Variants in ACTR3B observed in about 807,000 individuals in gnomAD.
The protein encoded by ACTR3B is actin-related protein 3B.
A neutral mutation model predicts 59.0 loss-of-function variants in ACTR3B; 8 were observed. The ratio of observed to expected loss-of-function variants is 0.14; its 90% CI spans 0.08 to 0.24. ACTR3B has a LOEUF of 0.24. Among genes scored for constraint, ACTR3B ranks in the 10% least tolerant of loss-of-function variants. ACTR3B has a pLI of 1.00. For synonymous variants in ACTR3B, 148 were observed against 197.9 expected (o/e 0.75, Z 2.12); for missense variants, 245 against 552.3 (o/e 0.44, Z 5.58).
chr7:152,820,234 G>A lies in ACTR3B; in HGVS notation c.541-65G>A. The A allele has an allele frequency of 2.5e-6, 4 of 1,576,070 alleles. No individual in the cohort carries two copies. In the South Asian group the frequency reaches 4.7e-5, roughly 19 times the overall value. On this transcript the variant is annotated intron_variant, in intron 6 of 11. Transcript: ENST00000256001. The stretch of plus-strand genomic sequence containing the variant: ...GGGAGGCTGAGGCAGGAAACCTTGT[G>A]AGTCCAGGCTGCTCTCCACCACGAA...
chr7:152,782,352 G>T (rs1348728153), intron 1 of ACTR3B, among the ~76,000 whole-genome samples: 1 of 151,740 alleles, frequency 6.6e-6, no homozygotes, highest in Non-Finnish European at 1.5e-5. Context: ...GAGTCTTCTC[G>T]ATTTACTTAC....
Position 152,847,250 on chromosome 7 carries a change from C to T in ACTR3B, c.952-4876C>T, listed in dbSNP as rs140650329. ...AGCTCTAGTGCCCGGGGCTGCAGTC[C>T]GCTCCGCAGGGCTCACCGTGATGTT... On this transcript the variant is annotated intron_variant, in intron 9 of 11. Transcript: ENST00000256001. Among the ~76,000 whole-genome samples, 827 of 152,152 alleles carry T rather than the reference C, an allele frequency of 5.4e-3. 4 individuals carry two copies. Among genetic ancestry groups the T allele is most frequent in the Non-Finnish European group, 8.3e-3 (567 of 67,980 alleles).
intron 1 of ACTR3B, among the ~76,000 whole-genome samples, chr7:152,765,981 C>A (rs1431681783): frequency 6.6e-6 from 1 of 151,882 alleles, no homozygotes; most frequent in Non-Finnish European, 1.5e-5. Flanking sequence ...TTATGATAAT[C>A]TTCGCATTTA....
At chr7:152,767,967 T>TGCAA (rs897848037) in intron 1 of ACTR3B, among the ~76,000 whole-genome samples, 1 of 152,218 alleles carries the variant, frequency 6.6e-6, no homozygotes, top group African/African-American at 2.4e-5. Context: ...CACCTGTAAT[T>TGCAA]GCAAGCACTT....
intron 1 of ACTR3B, among the ~76,000 whole-genome samples, chr7:152,769,763 CT>C (rs2098119663): frequency 6.6e-6 from 1 of 150,648 alleles, no homozygotes; most frequent in South Asian, 2.1e-4. Flanking sequence ...ATATATAGTC[CT>C]TTTATTTGTG....
At chr7:152,831,049 G>A (rs1475057778) in intron 9 of ACTR3B, among the ~76,000 whole-genome samples, 1 of 152,216 alleles carries the variant, frequency 6.6e-6, no homozygotes, top group Non-Finnish European at 1.5e-5. Flanking sequence ...GGCAGAGAAG[G>A]TTCCAGAGCT....
intron 9 of ACTR3B, among the ~76,000 whole-genome samples, chr7:152,829,044 G>GTGTA (rs1554449533): frequency 0.03 from 4,269 of 143,824 alleles, 89 homozygotes; most frequent in Middle Eastern, 0.084. Context: ...GTGTGTGTGT[G>GTGTA]TATATATATA....
At chr7:152,795,036 CT>C (rs1181143284) in intron 2 of ACTR3B, among the ~76,000 whole-genome samples, 59 of 137,742 alleles carry the variant, frequency 4.3e-4, no homozygotes, top group South Asian at 1.6e-3. Context: ...GTTTCACTCT[CT>C]TTTTTTTTTT....
At chr7:152,810,259 A>G in intron 4 of ACTR3B, among the ~76,000 whole-genome samples, 1 of 151,972 alleles carries the variant, frequency 6.6e-6, no homozygotes, top group Non-Finnish European at 1.5e-5. Context: ...GGCGTGCACC[A>G]CCACGCCCAG....
intron 1 of ACTR3B, among the ~76,000 whole-genome samples, chr7:152,773,144 A>G (rs560334168): frequency 8.4e-6 from 1 of 118,804 alleles, no homozygotes; most frequent in African/African-American, 3.0e-5. Flanking sequence ...ATAGTACAAA[A>G]GTTAAAACAA....
chr7:152,798,253 T>C (rs1233483318), intron 2 of ACTR3B, among the ~76,000 whole-genome samples: 1 of 152,234 alleles, frequency 6.6e-6, no homozygotes, highest in Non-Finnish European at 1.5e-5. Context: ...TTGATTGATA[T>C]TGTGGGTTTG....
intron 9 of ACTR3B, among the ~76,000 whole-genome samples, chr7:152,837,358 GGTGA>G (rs1203453160): frequency 6.6e-6 from 1 of 152,234 alleles, no homozygotes; most frequent in African/African-American, 2.4e-5. Flanking sequence ...TCACTCTGAA[GGTGA>G]AACAAGCATA....
At chr7:152,810,029 A>G (rs1243805704) in intron 4 of ACTR3B, among the ~76,000 whole-genome samples, 1 of 152,068 alleles carries the variant, frequency 6.6e-6, no homozygotes, top group African/African-American at 2.4e-5. Context: ...TGTGTAAGAG[A>G]TTCTAGAACT....
chr7:152,765,371 C>A (rs1320602596), intron 1 of ACTR3B, among the ~76,000 whole-genome samples: 1 of 151,084 alleles, frequency 6.6e-6, no homozygotes, highest in African/African-American at 2.4e-5. Flanking sequence ...CCTGCCTGGG[C>A]CTCCCAAAGT....
chr7:152,820,611 C>T lies in ACTR3B; in HGVS notation c.684+169C>T, dbSNP rs556239545. Among the ~76,000 whole-genome samples, 3 of 152,300 alleles carry T rather than the reference C, an allele frequency of 2.0e-5. No individual in the cohort carries two copies. The South Asian group carries it at 6.2e-4, about 32-fold the overall frequency. The stretch of plus-strand genomic sequence containing the variant: ...AGTGGGCTGAAGATGTAAAGCTTAA[C>T]CTCTTCCAAACTAGATGCTTTGAGG... On this transcript the variant is annotated intron_variant, in intron 7 of 11. Coordinates refer to ENST00000256001, the MANE Select transcript of ACTR3B (RefSeq NM_020445.6).
chr7:152,827,345 C>T (rs1364952814), intron 9 of ACTR3B, among the ~76,000 whole-genome samples: 4 of 152,130 alleles, frequency 2.6e-5, no homozygotes, highest in Admixed American at 6.5e-5. Context: ...ATAGAGAATT[C>T]ACGTAGGATT....
chr7:152,806,148 C>T (rs17134536), intron 4 of ACTR3B, among the ~76,000 whole-genome samples: 4,063 of 152,246 alleles, frequency 0.027, 88 homozygotes, highest in African/African-American at 0.06. Flanking sequence ...AAAAACTGGA[C>T]GTCTCCAATT....
In ACTR3B at chr7:152,759,829, G is replaced by T. The variant is rs950487139; in HGVS notation, c.-54G>T. 2.6e-5 allele frequency: 31 copies of T among 1,194,376 alleles called. No individual in the cohort carries two copies. The South Asian group carries it at 5.5e-4, about 21-fold the overall frequency. 74.0% of individuals were successfully genotyped at this position (1,194,376 alleles called of 1,614,324 possible). The stretch of plus-strand genomic sequence containing the variant: ...GGGGCTAGCGGGCGGCGGAGCGGAC[G>T]GCGACGGGGCGCTCTCGGGCTGCCG... On this transcript the variant is annotated 5_prime_UTR_variant, in exon 1 of 12. Coordinates refer to ENST00000256001, the MANE Select transcript of ACTR3B (RefSeq NM_020445.6).
intron 9 of ACTR3B, among the ~76,000 whole-genome samples, chr7:152,829,193 G>A (rs2116897899): frequency 6.6e-6 from 1 of 152,152 alleles, no homozygotes; most frequent in Non-Finnish European, 1.5e-5. Context: ...ACCTCACACA[G>A]CTACCTTTTT....
Sources: gnomAD v4.1 joint callset for allele counts (sites outside exome capture counted in the v4.1 genomes callset) on GRCh38, gnomAD v4.1.1 for gene constraint, MANE v1.5 for transcripts, NCBI Gene and HGNC (gene_info 2026-07-23, HGNC 2026-07-21) for gene names.